Variants in CDK12 observed in about 807,000 individuals in gnomAD.
The protein encoded by CDK12 is cyclin-dependent kinase 12.
CDK12 carries 17 observed loss-of-function variants against 133.8 expected under a neutral mutation model. The ratio of observed to expected loss-of-function variants is 0.13; its 90% confidence interval spans 0.09 to 0.19. CDK12 has a LOEUF of 0.19. Among genes scored for constraint, CDK12 ranks in the 10% least tolerant of loss-of-function variants. The pLI is 1.00. For synonymous variants in CDK12, 694 were observed against 683.6 expected (o/e 1.02, Z -0.24); for missense variants, 1,508 against 1,818.7 (o/e 0.83, Z 3.11).
At chr17:39,486,384 G>C (rs1173425177) in intron 2 of CDK12, among the ~76,000 whole-genome samples, 2 of 150,144 alleles carry the variant, frequency 1.3e-5, no homozygotes, top group African/African-American at 4.9e-5. Context: ...TCTCGCTTCA[G>C]CCTCGATAGT....
intron 2 of CDK12, 93 bp from the exon 3 acceptor site, chr17:39,490,464 A>G: frequency 1.3e-6 from 1 of 795,904 alleles, no homozygotes; most frequent in African/African-American, 1.7e-5. Flanking sequence ...AGATCTTTCT[A>G]ACCTTTTCGT....
intron 3 of CDK12, among the ~76,000 whole-genome samples, chr17:39,559,413 C>G (rs1043909203): frequency 2.0e-5 from 3 of 152,184 alleles, no homozygotes; most frequent in Non-Finnish European, 4.4e-5. Flanking sequence ...TCCACCACTA[C>G]AGTCAAGAAG....
intron 9 of CDK12, 150 bp downstream of exon 9, chr17:39,515,958 G>A (rs2053775853): frequency 3.8e-6 from 2 of 529,938 alleles, no homozygotes; most frequent in Non-Finnish European, 6.7e-6. Context: ...CATATATTTT[G>A]TCATAGGCTA....
upstream of CDK12, chr17:39,543,991 C>T (rs937932559): frequency 1.3e-5 from 3 of 233,338 alleles, no homozygotes; most frequent in South Asian, 5.9e-5. Flanking sequence ...CTTTAAGAAC[C>T]ATGTTTTTGC....
chr17:39,514,778 A>G (rs573470638), intron 8 of CDK12, among the ~76,000 whole-genome samples: 1 of 152,280 alleles, frequency 6.6e-6, no homozygotes, highest in African/African-American at 2.4e-5. Context: ...ATATATTTTG[A>G]TATGTTTTGA....
At chr17:39,497,397 G>T (rs1259218484) in intron 5 of CDK12, among the ~76,000 whole-genome samples, 19 of 151,948 alleles carry the variant, frequency 1.3e-4, no homozygotes, top group Admixed American at 1.2e-3. Context: ...GCGAAAATTC[G>T]CTGGGCATGG....
chr17:39,538,765 G>A (rs954251150), downstream of CDK12, among the ~76,000 whole-genome samples: 1 of 152,182 alleles, frequency 6.6e-6, no homozygotes, highest in African/African-American at 2.4e-5. Flanking sequence ...AGGCGTGGTG[G>A]CACAAGCCTG....
intron 2 of CDK12, among the ~76,000 whole-genome samples, chr17:39,488,766 T>G (rs2051334388): frequency 1.3e-5 from 2 of 152,126 alleles, no homozygotes; most frequent in African/African-American, 4.8e-5. Context: ...TTTTTTATTT[T>G]TCGAGACAGA....
chr17:39,519,826 G>C, intron 10 of CDK12, 130 bp from the exon 11 acceptor site: 2 of 827,382 alleles, frequency 2.4e-6, no homozygotes, highest in South Asian at 3.3e-5. Context: ...CAAACTTCTG[G>C]CCTCACGCAG....
intron 1 of CDK12, among the ~76,000 whole-genome samples, chr17:39,465,432 A>C (rs1597904260): frequency 1.3e-5 from 2 of 150,850 alleles, no homozygotes; most frequent in African/African-American, 4.9e-5. Flanking sequence ...TGAGGAGTAA[A>C]ATTTATATAC....
At chr17:39,511,935 C>T (rs984726892) in intron 8 of CDK12, among the ~76,000 whole-genome samples, 1 of 152,152 alleles carries the variant, frequency 6.6e-6, no homozygotes, top group Non-Finnish European at 1.5e-5. Context: ...CATTCCCCTT[C>T]TGTGTTACCT....
Position 39,534,342 on chromosome 17 carries a change from A to G in CDK12, c.*3026A>G. 2 of 233,002 alleles carry G rather than the reference A, an allele frequency of 8.6e-6. No homozygotes were observed. Among genetic ancestry groups the G allele is most frequent in the Non-Finnish European group, 8.5e-6 (1 of 117,796 alleles). 14.4% of individuals were successfully genotyped at this position (233,002 alleles called of 1,614,324 possible). ...GGTTACCAGCAGGTTTTGAGAGAGA[A>G]TGCTGCATCAGAAAAGTGTCAGTTG... is the stretch of plus-strand genomic sequence containing the variant. On this transcript the variant is annotated 3_prime_UTR_variant, in exon 14 of 14. Coordinates refer to ENST00000447079, the MANE Select transcript of CDK12 (RefSeq NM_016507.4).
At chr17:39,517,395 G>T in intron 9 of CDK12, 45 bp from the exon 10 acceptor site, 1 of 1,075,982 alleles carries the variant, frequency 9.3e-7, no homozygotes, top group Non-Finnish European at 1.4e-6. Flanking sequence ...AATTCATGAT[G>T]TTGACTCACT....
At chr17:39,494,494 GATA>G in intron 4 of CDK12, 27 bp from the exon 5 acceptor site, 2 of 1,607,220 alleles carry the variant, frequency 1.2e-6, no homozygotes, top group Non-Finnish European at 8.5e-7. Flanking sequence ...AATGCTCATT[GATA>G]ATAACAGTTT....
chr17:39,490,590 G>T lies in CDK12; in HGVS notation c.1965G>T (p.Lys655Asn). 6.2e-7 allele frequency: 1 copy of T among 1,612,756 alleles called. No homozygotes were observed. Among genetic ancestry groups the T allele is most frequent in the Non-Finnish European group, 8.5e-7 (1 of 1,179,326 alleles). The change falls in exon 3 of 14, where the codon AAG becomes AAT. Residue 655 changes from lysine to asparagine, a missense_variant. Physicochemically the swap from Lys to Asn is moderately conservative, Grantham distance 94 (BLOSUM62 0). This residue lies in a region of CDK12 where 347 missense variants were observed against 330.8 expected (regional missense o/e 1.05). Coordinates refer to ENST00000447079, the MANE Select transcript of CDK12 (RefSeq NM_016507.4). ...AAACTCTTCCTTCAAAACCTGTGAA[G>T]AAAGAGAAGGAACAGAGGACACGTC... ...PKETLPSKPV[K>N]KEKEQRTRHL...
At chr17:39,500,795 C>G (rs1011555836) in intron 5 of CDK12, among the ~76,000 whole-genome samples, 25 of 151,618 alleles carry the variant, frequency 1.6e-4, no homozygotes, top group Non-Finnish European at 2.6e-4. Flanking sequence ...GGCACCATCT[C>G]AGCTCACTGC....
intron 2 of CDK12, among the ~76,000 whole-genome samples, chr17:39,485,169 C>CAAAAA (rs564188686): frequency 1.3e-5 from 1 of 75,062 alleles, no homozygotes. Context: ...GACTCTGTCT[C>CAAAAA]AAAAAAAAAA....
At chr17:39,538,665 A>G (rs1365678133), downstream of CDK12, among the ~76,000 whole-genome samples, 1 of 152,162 alleles carries the variant, frequency 6.6e-6, no homozygotes, top group Non-Finnish European at 1.5e-5. Context: ...TTGGGAGGCC[A>G]AGGTGGGTGG....
rs57461942 is a variant in CDK12 at position 39,555,272 on chromosome 17, T to A, written n.357-1014T>A. Among the ~76,000 whole-genome samples, 1,074 of 152,136 alleles carry A rather than the reference T, an allele frequency of 7.1e-3. 14 individuals are homozygous for A. The highest frequency in any genetic ancestry group is 0.025 in the African/African-American group (1,034 of 41,512). On this transcript the variant is annotated intron_variant and non_coding_transcript_variant, in intron 2 of 3. Coordinates refer to the CDK12 transcript ENST00000558240. ...TGTCTCAAAAAATAAATTAATTAATTAATTAAAAAATAAACATCCCATCTT... is the reference window on the plus strand; with the variant it reads ...TGTCTCAAAAAATAAATTAATTAATAAATTAAAAAATAAACATCCCATCTT...
Sources: gnomAD v4.1 joint callset for allele counts (sites outside exome capture counted in the v4.1 genomes callset) on GRCh38, gnomAD v4.1.1 for gene constraint, gnomAD v4.1.1 regional missense constraint, MANE v1.5 for transcripts, NCBI Gene and HGNC (gene_info 2026-07-23, HGNC 2026-07-21) for gene names.